PTPRD: variants seen among roughly 807,000 people sequenced by gnomAD.
The protein encoded by PTPRD is receptor-type tyrosine-protein phosphatase delta.
PTPRD carries 34 observed loss-of-function variants against 214.5 expected under a neutral mutation model. That is an observed-to-expected ratio of 0.16 (90% confidence interval 0.12 to 0.21). The LOEUF is 0.21. PTPRD is among the 10% of genes least tolerant of loss of function. The pLI is 1.00. For synonymous variants in PTPRD, 1,128 were observed against 845.7 expected (o/e 1.33, Z -5.79); for missense variants, 2,545 against 2,398.7 (o/e 1.06, Z -1.27).
intron 2 of PTPRD, among the ~76,000 whole-genome samples, chr9:10,452,431 A>G (rs565077270): frequency 2.6e-5 from 4 of 151,706 alleles, no homozygotes; most frequent in African/African-American, 4.8e-5. Context: ...ACCAATTTAC[A>G]TTCCCACCAA....
chr9:9,640,712 G>C (rs1195892124), intron 7 of PTPRD, among the ~76,000 whole-genome samples: 1 of 152,200 alleles, frequency 6.6e-6, no homozygotes, highest in Non-Finnish European at 1.5e-5. Flanking sequence ...GATTGGTCTT[G>C]ATCACATTTA....
intron 5 of PTPRD, among the ~76,000 whole-genome samples, chr9:9,860,788 G>A (rs1296514707): frequency 6.6e-6 from 1 of 152,092 alleles, no homozygotes; most frequent in Non-Finnish European, 1.5e-5. Context: ...TGTGTCTAGT[G>A]GTATCCCTTG....
chr9:9,590,928 C>A (rs754021592), intron 7 of PTPRD, among the ~76,000 whole-genome samples: 3 of 151,908 alleles, frequency 2.0e-5, no homozygotes, highest in African/African-American at 7.3e-5. Context: ...ACAGAAGATG[C>A]AAAGCTTTAT....
At chr9:10,325,056 T>C (rs2096619072) in intron 3 of PTPRD, among the ~76,000 whole-genome samples, 1 of 152,038 alleles carries the variant, frequency 6.6e-6, no homozygotes. Context: ...GGTACTCAGG[T>C]CCAGGTGGCT....
At chr9:10,104,987 C>G (rs930289736) in intron 3 of PTPRD, among the ~76,000 whole-genome samples, 2 of 151,708 alleles carry the variant, frequency 1.3e-5, no homozygotes, top group Admixed American at 6.6e-5. Context: ...CATTTTTCTC[C>G]CTTTGTATAT....
chr9:9,074,617 A>G (rs1158604515), intron 10 of PTPRD, among the ~76,000 whole-genome samples: 1 of 152,034 alleles, frequency 6.6e-6, no homozygotes, highest in Non-Finnish European at 1.5e-5. Context: ...ATGATCAGTG[A>G]TGTTAAGCAC....
intron 9 of PTPRD, among the ~76,000 whole-genome samples, chr9:9,292,202 A>G (rs991428301): frequency 6.6e-6 from 1 of 150,914 alleles, no homozygotes; most frequent in Non-Finnish European, 1.5e-5. Flanking sequence ...TCTTTCCCAT[A>G]TCTCTCTCAA....
chr9:10,363,830 T>A (rs2097445466), intron 2 of PTPRD, among the ~76,000 whole-genome samples: 1 of 152,028 alleles, frequency 6.6e-6, no homozygotes, highest in Non-Finnish European at 1.5e-5. Context: ...ATAGATGCTA[T>A]GGAAAATTTT....
intron 9 of PTPRD, among the ~76,000 whole-genome samples, chr9:9,271,065 G>A (rs1182588467): frequency 6.6e-6 from 1 of 151,224 alleles, no homozygotes; most frequent in Non-Finnish European, 1.5e-5. Context: ...TCCAGGTGGA[G>A]ATAAGGAGGA....
intron 9 of PTPRD, among the ~76,000 whole-genome samples, chr9:9,256,688 G>C (rs1457697548): frequency 1.3e-5 from 2 of 151,918 alleles, no homozygotes; most frequent in African/African-American, 4.8e-5. Context: ...TATTATAAGA[G>C]ATAAATAGCA....
intron 7 of PTPRD, among the ~76,000 whole-genome samples, chr9:9,701,716 C>A (rs1380269001): frequency 6.6e-6 from 1 of 152,058 alleles, no homozygotes; most frequent in Non-Finnish European, 1.5e-5. Context: ...CAAAAAATTC[C>A]TTTTCAAATG....
chr9:8,746,261 C>A (rs2092792862), intron 11 of PTPRD, among the ~76,000 whole-genome samples: 1 of 151,922 alleles, frequency 6.6e-6, no homozygotes, highest in Non-Finnish European at 1.5e-5. Context: ...TTGCTGAGGG[C>A]AACATGGCCA....
Position 9,587,432 on chromosome 9 carries a change from G to C in PTPRD, c.-286-12651C>G, listed in dbSNP as rs74583418. Among the ~76,000 whole-genome samples, 121 of 152,154 alleles carry C rather than the reference G, an allele frequency of 8.0e-4. 2 individuals are homozygous for C. In the East Asian group the frequency reaches 0.023, roughly 29 times the overall value. On this transcript the variant is annotated intron_variant, in intron 7 of 45. Coordinates refer to ENST00000381196, the MANE Select transcript of PTPRD (RefSeq NM_002839.4). ...CTACTTGCCCATGGGCATAGATCTA[G>C]ATAGGAGAGGGGCTTGCTAATGACA...
intron 11 of PTPRD, among the ~76,000 whole-genome samples, chr9:8,832,337 G>T (rs893798245): frequency 1.3e-5 from 2 of 150,178 alleles, no homozygotes; most frequent in South Asian, 2.1e-4. Flanking sequence ...GTGGGTAACA[G>T]TGTATTTTTG....
intron 7 of PTPRD, among the ~76,000 whole-genome samples, chr9:9,694,546 C>G (rs915147166): frequency 6.6e-6 from 1 of 151,842 alleles, no homozygotes; most frequent in Non-Finnish European, 1.5e-5. Context: ...AAAGGCTCTA[C>G]CCTTCAGGAT....
intron 5 of PTPRD, among the ~76,000 whole-genome samples, chr9:9,808,153 G>A (rs1341832854): frequency 6.6e-6 from 1 of 152,118 alleles, no homozygotes; most frequent in Non-Finnish European, 1.5e-5. Flanking sequence ...GAAATTGTGT[G>A]TAACTGTTGC....
At chr9:9,796,584 G>A (rs1165993885) in intron 5 of PTPRD, among the ~76,000 whole-genome samples, 1 of 152,142 alleles carries the variant, frequency 6.6e-6, no homozygotes, top group Non-Finnish European at 1.5e-5. Flanking sequence ...TACAAAACCT[G>A]TAGCCTGATA....
intron 3 of PTPRD, among the ~76,000 whole-genome samples, chr9:10,221,770 C>T (rs1360953651): frequency 4.0e-5 from 6 of 151,662 alleles, no homozygotes; most frequent in Non-Finnish European, 8.8e-5. Flanking sequence ...AACTAGTGTT[C>T]ATGGCTAAAA....
chr9:8,857,571 G>A, intron 11 of PTPRD: 1 of 152,680 alleles, frequency 6.5e-6, no homozygotes, highest in South Asian at 2.0e-4. Flanking sequence ...GCCGGGCGCA[G>A]GGCGATTCCG....
Sources: gnomAD v4.1 joint callset for allele counts (sites outside exome capture counted in the v4.1 genomes callset) on GRCh38, gnomAD v4.1.1 for gene constraint, MANE v1.5 for transcripts, NCBI Gene and HGNC (gene_info 2026-07-23, HGNC 2026-07-21) for gene names.